CLCN3: variants seen among roughly 807,000 people sequenced by gnomAD.
CLCN3 encodes H(+)/Cl(-) exchange transporter 3.
A neutral mutation model predicts 83.4 loss-of-function variants in CLCN3; 16 were observed. The ratio of observed to expected loss-of-function variants is 0.19; its 90% confidence interval spans 0.13 to 0.29. CLCN3 has a LOEUF of 0.29. CLCN3 is among the 10% of genes least tolerant of loss of function. The pLI is 1.00. For missense variants in CLCN3, 544 were observed against 1,006.0 expected (o/e 0.54, Z 6.21); for synonymous variants, 322 against 346.2 (o/e 0.93, Z 0.78).
At chr4:169,643,468 T>C (rs1581199449) in intron 2 of CLCN3, among the ~76,000 whole-genome samples, 1 of 152,242 alleles carries the variant, frequency 6.6e-6, no homozygotes, top group Non-Finnish European at 1.5e-5. Context: ...GACCTCAGGT[T>C]ATCCACCCGC....
chr4:169,695,617 A>G lies in CLCN3; in HGVS notation c.942A>G (p.Leu314=), dbSNP rs1477823870. ...STNEAKKREV[L]SAASAAGVSV... The stretch of plus-strand genomic sequence containing the variant: ...AAGCCATATCCTCTTTCTAGGTGCT[A>G]TCAGCTGCCTCAGCTGCAGGGGTTT... The change falls in exon 8 of 13, where the codon CTA becomes CTG. Residue 314 remains leucine, a synonymous_variant. Transcript: ENST00000513761. 5 of 1,611,654 alleles carry G rather than the reference A, an allele frequency of 3.1e-6. No homozygotes were observed. Among genetic ancestry groups the G allele is most frequent in the African/African-American group, 2.7e-5 (2 of 74,868 alleles).
chr4:169,678,702 A>G (rs184116030), intron 2 of CLCN3, among the ~76,000 whole-genome samples: 4 of 152,318 alleles, frequency 2.6e-5, no homozygotes, highest in South Asian at 2.1e-4. Context: ...CTGAGTTGAC[A>G]TAGCACATGT....
At chr4:169,703,160 A>T (rs1732862886) in intron 9 of CLCN3, among the ~76,000 whole-genome samples, 1 of 152,260 alleles carries the variant, frequency 6.6e-6, no homozygotes, top group Non-Finnish European at 1.5e-5. Flanking sequence ...TTTTCAAAGT[A>T]TTGAGAGAAT....
chr4:169,674,984 C>T (rs1196107442), intron 2 of CLCN3, among the ~76,000 whole-genome samples: 2 of 152,180 alleles, frequency 1.3e-5, no homozygotes, highest in African/African-American at 2.4e-5. Context: ...TCAATCTATC[C>T]GTCCTCCTCA....
At chr4:169,624,527 C>G (rs1488725541) in intron 1 of CLCN3, among the ~76,000 whole-genome samples, 1 of 152,046 alleles carries the variant, frequency 6.6e-6, no homozygotes, top group Non-Finnish European at 1.5e-5. Context: ...CCTCGGCATC[C>G]CAAAGTGTTG....
chr4:169,688,699 T>G (rs1732253155), intron 4 of CLCN3, among the ~76,000 whole-genome samples: 1 of 152,230 alleles, frequency 6.6e-6, no homozygotes, highest in East Asian at 1.9e-4. Context: ...ACATCATTTA[T>G]AAGTCTGTTA....
At chr4:169,660,522 C>A in intron 2 of CLCN3, 1 of 1,077,898 alleles carries the variant, frequency 9.3e-7, no homozygotes, top group Non-Finnish European at 1.2e-6. Context: ...CTAGCTTAAA[C>A]TGGTTCTCGT....
At chr4:169,682,713 G>A (rs1315315255) in intron 3 of CLCN3, among the ~76,000 whole-genome samples, 1 of 152,132 alleles carries the variant, frequency 6.6e-6, no homozygotes, top group East Asian at 1.9e-4. Flanking sequence ...CATCAAAGAT[G>A]CTCTTATTTG....
At chr4:169,668,419 A>C (rs564868163) in intron 2 of CLCN3, among the ~76,000 whole-genome samples, 3 of 152,216 alleles carry the variant, frequency 2.0e-5, no homozygotes, top group African/African-American at 4.8e-5. Flanking sequence ...AATGTTTTAC[A>C]TAATTTGTCT....
chr4:169,697,385 C>A lies in CLCN3; in HGVS notation c.1214C>A (p.Ala405Asp). Residue 405 changes from alanine to aspartate, a missense_variant, in exon 9 of 13, where the codon GCC (alanine) becomes GAC (aspartate). Transcript: ENST00000513761. ...LLGVFGGLWG[A>D]FFIRANIAWC... Reference sequence around the variant, plus strand: ...GGGGTATTTGGAGGGCTTTGGGGAGCCTTTTTCATTAGGGCAAATATTGCC... The same window carrying A: ...GGGGTATTTGGAGGGCTTTGGGGAGACTTTTTCATTAGGGCAAATATTGCC... The A allele has an allele frequency of 6.2e-7, 1 of 1,613,946 alleles. No homozygotes were observed. The highest frequency in any genetic ancestry group is 8.5e-7 in the Non-Finnish European group (1 of 1,179,992).
chr4:169,663,967 A>G (rs1348373920), intron 2 of CLCN3, among the ~76,000 whole-genome samples: 1 of 152,208 alleles, frequency 6.6e-6, no homozygotes, highest in Non-Finnish European at 1.5e-5. Flanking sequence ...AGTCCCAAGA[A>G]CAGATTAGTC....
chr4:169,708,676 T>G lies in CLCN3; in HGVS notation c.2149+1410T>G, dbSNP rs183222187. Among the ~76,000 whole-genome samples, 301 of 152,282 alleles carry G rather than the reference T, an allele frequency of 2.0e-3. 1 individual carries two copies. The highest frequency in any genetic ancestry group is 6.4e-3 in the African/African-American group (265 of 41,560). On this transcript the variant is annotated intron_variant, in intron 11 of 12. Transcript: ENST00000513761. ...AGGCATGTTTTTAAAGTGTGGAAAT[T>G]AAGAACTATTCATTATCCCACTGAT...
At chr4:169,639,174 T>C (rs975752005) in intron 2 of CLCN3, among the ~76,000 whole-genome samples, 1 of 152,156 alleles carries the variant, frequency 6.6e-6, no homozygotes, top group Admixed American at 6.6e-5. Context: ...GGACCACAGT[T>C]GCACACCACT....
At chr4:169,706,382 G>C (rs1581274998) in intron 10 of CLCN3, among the ~76,000 whole-genome samples, 2 of 151,932 alleles carry the variant, frequency 1.3e-5, no homozygotes, top group South Asian at 4.2e-4. Context: ...TAAATCAAAG[G>C]CATCAAAGTA....
chr4:169,687,660 C>T lies in CLCN3; in HGVS notation c.321C>T (p.Ile107=). The T allele has an allele frequency of 6.2e-7, 1 of 1,601,628 alleles. No homozygotes were observed. Among genetic ancestry groups the T allele is most frequent in the Non-Finnish European group, 8.5e-7 (1 of 1,171,954 alleles). The stretch of plus-strand genomic sequence containing the variant: ...AGCATAAACATTTCTAATTTCAGAT[C>T]AACAGCAAAAAGAAAGAATCAGCAT... The part of the protein sequence containing the change: ...KCKDRERHRR[I]NSKKKESAWE... The change falls in exon 4 of 13, where the codon ATC becomes ATT. Residue 107 remains isoleucine, a splice_region_variant and synonymous_variant. Coordinates refer to ENST00000513761, the MANE Select transcript of CLCN3 (RefSeq NM_001829.4).
chr4:169,706,706 G>T (rs1232668079), intron 10 of CLCN3, among the ~76,000 whole-genome samples, 162 bp from the exon 11 acceptor site: 1 of 152,208 alleles, frequency 6.6e-6, no homozygotes, highest in Non-Finnish European at 1.5e-5. Context: ...TAAAAGTAGT[G>T]ATTATTGTCC....
At chr4:169,688,205 A>G (rs1355342157) in intron 4 of CLCN3, among the ~76,000 whole-genome samples, 4 of 152,344 alleles carry the variant, frequency 2.6e-5, no homozygotes, top group South Asian at 4.1e-4. Flanking sequence ...GAAGAAAAGT[A>G]ACTTAGTTTG....
At chr4:169,714,717 G>T (rs1733360525) in intron 12 of CLCN3, among the ~76,000 whole-genome samples, 1 of 152,124 alleles carries the variant, frequency 6.6e-6, no homozygotes, top group African/African-American at 2.4e-5. Flanking sequence ...TCTATGTTTA[G>T]TGTTTTTCAC....
chr4:169,718,568 T>G (rs1302600248), intron 12 of CLCN3, among the ~76,000 whole-genome samples: 2 of 152,224 alleles, frequency 1.3e-5, no homozygotes, highest in Non-Finnish European at 2.9e-5. Context: ...TAGAGTCAAA[T>G]GCATTCATTT....
Sources: allele counts gnomAD v4.1 joint callset (sites outside exome capture counted in the v4.1 genomes callset), GRCh38; gene constraint gnomAD v4.1.1; transcripts MANE v1.5; gene names NCBI Gene and HGNC (gene_info 2026-07-23, HGNC 2026-07-21).